Variants in EPHB6 observed in about 807,000 individuals in gnomAD.
EPHB6 encodes the protein EPH receptor B6.
EPHB6 carries 51 observed loss-of-function variants against 107.0 expected under a neutral mutation model. The observed-to-expected ratio is 0.48, with a 90% CI of 0.38 to 0.60. EPHB6 has a LOEUF of 0.60. Among genes scored for constraint, EPHB6 ranks in the 20% least tolerant of loss-of-function variants. The pLI, the probability that EPHB6 is intolerant of heterozygous loss-of-function variation, is 0.00. For synonymous variants in EPHB6, 553 were observed against 549.0 expected, an observed-to-expected ratio of 1.01 and a Z score of -0.10; for missense variants, 1,141 against 1,355.5, an observed-to-expected ratio of 0.84 and a Z score of 2.48.
At chr7:142,857,804 A>G (rs1002907570) in intron 1 of EPHB6, among the ~76,000 whole-genome samples, 2 of 152,234 alleles carry the variant, frequency 1.3e-5, no homozygotes, top group Non-Finnish European at 2.9e-5. Flanking sequence ...AGAAGCATGC[A>G]TGATGTCAGC....
Position 142,863,341 on chromosome 7 carries a change from G to A in EPHB6, c.100+14G>A, listed in dbSNP as rs1563337751. ...TGGCTCTGGAAGGTAAGAGGGAGGG[G>A]AGACAGGAGAACCCAGACCTGCCAT... On this transcript the variant is annotated intron_variant, in intron 5 of 19. Coordinates refer to ENST00000652003, the MANE Select transcript of EPHB6 (RefSeq NM_004445.6). The A allele has an allele frequency of 6.2e-7, 1 of 1,612,582 alleles. No individual in the cohort carries two copies. Among genetic ancestry groups the A allele is most frequent in the Non-Finnish European group, 8.5e-7 (1 of 1,178,654 alleles).
At position 142,864,644 on chromosome 7, in the gene EPHB6, C is replaced by A. The variant is rs774381060; in HGVS notation, c.844C>A (p.Pro282Thr). 4 of 1,612,434 alleles carry A rather than the reference C, an allele frequency of 2.5e-6. No individual in the cohort carries two copies. The highest frequency in any genetic ancestry group is 1.6e-4 in the Middle Eastern group (1 of 6,062). Residue 282 changes from proline to threonine, a missense_variant, in exon 7 of 20, where the codon CCC (proline) becomes ACC (threonine). This residue lies in a region of EPHB6 where 304 missense variants were observed against 295.7 expected (regional missense o/e 1.03). Transcript: ENST00000652003. The part of the protein sequence containing the change: ...DGVGGQAGGS[P>T]PRLHCNGEGK... Reference sequence around the variant, plus strand: ...AGTAGGGGGCCAGGCAGGAGGCAGCCCCCCCAGGCTGCACTGCAACGGGGA... The same window carrying A: ...AGTAGGGGGCCAGGCAGGAGGCAGCACCCCCAGGCTGCACTGCAACGGGGA...
rs767757668 is a variant in EPHB6, at chr7:142,868,219, AACATACTCCAC to A, written c.1919-19_1919-9del. 6 of 1,613,990 alleles carry A rather than the reference AACATACTCCAC, an allele frequency of 3.7e-6. No individual in the cohort carries two copies. The East Asian group carries it at 1.3e-4, about 36-fold the overall frequency. ...GCCCTGCCTTTCACAACACGCTCAT[AACATACTCCAC>A]ACCCCTCCAGGACTCGGGGTGAAGT... On this transcript the variant is annotated splice_polypyrimidine_tract_variant and intron_variant, in intron 13 of 19. Coordinates refer to ENST00000652003, the MANE Select transcript of EPHB6 (RefSeq NM_004445.6). This position sits in a 1 kb window ranked among gnomAD's most constrained non-coding sequence, Gnocchi z 4.2.
Position 142,867,326 on chromosome 7 carries a change from G to A in EPHB6, c.1750+258G>A. The A allele has an allele frequency of 1.6e-6, 1 of 631,232 alleles. No homozygotes were observed. Among genetic ancestry groups the A allele is most frequent in the Non-Finnish European group, 2.8e-6 (1 of 354,902 alleles). The allele number at this position is 631,232 out of a possible 1,614,324, so 39.1% of individuals were successfully genotyped here. A position where few individuals can be genotyped will look rare whatever the true frequency, so the allele number is the denominator to read the frequency against. ...GTGTGTGTGTTGTGTGTCCCTGGGT[G>A]TGGATGTGGGAGGGCTGTGGGCGTG... On this transcript the variant is annotated intron_variant, in intron 11 of 19. Coordinates refer to ENST00000652003, the MANE Select transcript of EPHB6 (RefSeq NM_004445.6). The surrounding 1 kb of genome is among the most constrained non-coding windows in gnomAD (Gnocchi z 5.3).
In EPHB6 at chr7:142,855,852, C is replaced by T. The variant is rs1802582693; in HGVS notation, c.-432+467C>T. Among the ~76,000 whole-genome samples, 1 of 152,190 alleles carries T rather than the reference C, an allele frequency of 6.6e-6. No individual in the cohort carries two copies. The highest frequency in any genetic ancestry group is 6.5e-5 in the Admixed American group (1 of 15,284). On this transcript the variant is annotated intron_variant, in intron 1 of 19. Transcript: ENST00000652003. The surrounding 1 kb of genome is among the most constrained non-coding windows in gnomAD (Gnocchi z 4.2). ...CACAAGGCACTGTCCCCCCCAGCTC[C>T]ATGACCACAGTTAAGCCTTGGAGGT...
At position 142,863,260 on chromosome 7, in the gene EPHB6, C is replaced by T. The variant is rs1478416066; in HGVS notation, c.33C>T (p.Asn11=). 1.2e-6 allele frequency: 2 copies of T among 1,613,870 alleles called. No homozygotes were observed. Among genetic ancestry groups the T allele is most frequent in the Admixed American group, 1.7e-5 (1 of 59,990 alleles). The change falls in exon 5 of 20, where the codon AAC becomes AAT. Residue 11 remains asparagine (N), a synonymous_variant. Transcript: ENST00000652003. MATEGAAQLG[N]RVAGMVCSLW... ...CTGAAGGGGCTGCCCAGTTAGGGAA[C>T]AGAGTGGCGGGCATGGTGTGTAGCC...
intron 4 of EPHB6, 86 bp from the exon 5 acceptor site, chr7:142,863,041 C>A: frequency 1.7e-6 from 1 of 604,566 alleles, no homozygotes; most frequent in Non-Finnish European, 2.9e-6. Flanking sequence ...GAGACACAGA[C>A]ACGGGGTCAG....
rs1794896210 is a variant in EPHB6 at position 142,870,977 on chromosome 7, A to G, written c.*73A>G. 1 of 1,443,448 alleles carries G rather than the reference A, an allele frequency of 6.9e-7. No individual in the cohort carries two copies. The highest frequency in any genetic ancestry group is 1.2e-5 in the South Asian group (1 of 83,732). 89.4% of individuals were successfully genotyped at this position (1,443,448 alleles called of 1,614,324 possible). ...ACATGTGGGACGTGAGCCGGGCTCC[A>G]ACAGCCTCTGTGAGAGATGCCCCAC... On this transcript the variant is annotated 3_prime_UTR_variant, in exon 20 of 20. Coordinates refer to ENST00000652003, the MANE Select transcript of EPHB6 (RefSeq NM_004445.6).
chr7:142,865,355 A>G (rs1803091849), intron 7 of EPHB6, 120 bp from the exon 8 acceptor site: 1 of 1,338,322 alleles, frequency 7.5e-7, no homozygotes, highest in Non-Finnish European at 1.0e-6. Flanking sequence ...GTCTTGGAAG[A>G]AAAGGAGAAC....
In EPHB6 at chr7:142,870,407, G is replaced by A; in HGVS notation, c.2804G>A (p.Arg935Lys). Residue 935 changes from arginine (R) to lysine (K), a missense_variant and splice_region_variant, in exon 18 of 20, where the codon AGG becomes AAG. Around this residue, in one of 3 missense-constraint regions of EPHB6, gnomAD observed 616 missense variants for 759.3 expected, o/e 0.81. Coordinates refer to ENST00000652003, the MANE Select transcript of EPHB6 (RefSeq NM_004445.6). The part of the protein sequence containing the change: ...TLQAGGDPGE[R>K]PSQALLTPVA... ...CAGGCTGGCGGGGACCCAGGGGAAA[G>A]GTCTGGAGCTTGGGGCTAGAGCCTG... 1 of 1,614,042 alleles carries A rather than the reference G, an allele frequency of 6.2e-7. No individual in the cohort carries two copies. The highest frequency in any genetic ancestry group is 8.5e-7 in the Non-Finnish European group (1 of 1,179,984).
intron 1 of EPHB6, among the ~76,000 whole-genome samples, chr7:142,857,477 A>C (rs1802656610): frequency 6.6e-6 from 1 of 152,198 alleles, no homozygotes; most frequent in Non-Finnish European, 1.5e-5. Flanking sequence ...ATTATACTGG[A>C]ATTTCCTGGG....
chr7:142,866,111 C>T lies in EPHB6; in HGVS notation c.1257C>T (p.Ser419=), dbSNP rs55991560. 3,715 of 1,612,868 alleles carry T rather than the reference C, an allele frequency of 2.3e-3. 10 individuals are homozygous for T. The highest frequency in any genetic ancestry group is 2.8e-3 in the Non-Finnish European group (3,348 of 1,179,422). Reference sequence around the variant, plus strand: ...GTGAAGGCCGCCAGGAACCTGCCAGCGGTGGTGGGGGCACTTGTCACCGCT... The same window carrying T: ...GTGAAGGCCGCCAGGAACCTGCCAGTGGTGGTGGGGGCACTTGTCACCGCT... ...KECEGRQEPA[S]GGGGTCHRCR... The change falls in exon 9 of 20, where the codon AGC becomes AGT. Residue 419 remains serine (S), a synonymous_variant. Coordinates refer to ENST00000652003, the MANE Select transcript of EPHB6 (RefSeq NM_004445.6). This position sits in a 1 kb window ranked among gnomAD's most constrained non-coding sequence, Gnocchi z 5.2.
At chr7:142,857,659 G>A (rs1275310157) in intron 1 of EPHB6, among the ~76,000 whole-genome samples, 1 of 152,206 alleles carries the variant, frequency 6.6e-6, no homozygotes, top group Non-Finnish European at 1.5e-5. Context: ...TCTGCAGCCT[G>A]CTTTGTCTCA....
In EPHB6 at chr7:142,865,739, C is replaced by A. The variant is rs1288186525; in HGVS notation, c.1105+109C>A. Reference sequence around the variant, plus strand: ...TTTGCATTTGGAGTGACTTGTTTTTCCCCTATTTTCTTGGCTTCCTCCCCT... The same window carrying A: ...TTTGCATTTGGAGTGACTTGTTTTTACCCTATTTTCTTGGCTTCCTCCCCT... On this transcript the variant is annotated intron_variant, in intron 8 of 19. Coordinates refer to ENST00000652003, the MANE Select transcript of EPHB6 (RefSeq NM_004445.6). The A allele has an allele frequency of 5.4e-6, 8 of 1,483,280 alleles. No homozygotes were observed. The Admixed American group carries it at 1.2e-4, about 22-fold the overall frequency. 91.9% of individuals were successfully genotyped at this position (1,483,280 alleles called of 1,614,324 possible). A position where few individuals can be genotyped will look rare whatever the true frequency, so the allele number is the denominator to read the frequency against.
chr7:142,863,509 C>T, intron 5 of EPHB6, 122 bp from the exon 6 acceptor site: 1 of 1,290,264 alleles, frequency 7.8e-7, no homozygotes, highest in Non-Finnish European at 1.1e-6. Context: ...GACAGCTGTG[C>T]TCCTGCTGGC....
intron 7 of EPHB6, 141 bp downstream of exon 7, chr7:142,864,890 C>T: frequency 9.3e-7 from 1 of 1,078,790 alleles, no homozygotes; most frequent in Non-Finnish European, 1.4e-6. Flanking sequence ...CTGATTTTCC[C>T]TAATTTTATT....
In EPHB6 at chr7:142,862,840, T is replaced by C. The variant is rs879443035; in HGVS notation, c.-102+7T>C. On this transcript the variant is annotated splice_region_variant and intron_variant, in intron 4 of 19. Transcript: ENST00000652003. ...GCAGAAAAAAAAAAAAAGGGTAAGA[T>C]TGACCCAGAAACACCCTCTGCCCCA... The C allele has an allele frequency of 1.9e-5, 4 of 207,244 alleles. No individual in the cohort carries two copies. The highest frequency in any genetic ancestry group is 2.9e-5 in the Non-Finnish European group (3 of 104,446). The allele number at this position is 207,244 out of a possible 1,614,324, so 12.8% of individuals were successfully genotyped here. A position where few individuals can be genotyped will look rare whatever the true frequency, so the allele number is the denominator to read the frequency against.
chr7:142,867,947 A>G lies in EPHB6; in HGVS notation c.1866-50A>G. ...GTCTGGAGGGTGACAAGGGGGCAGCAAGGGGGTGGAAATGGGAGCGTCATC... is the reference window on the plus strand; with the variant it reads ...GTCTGGAGGGTGACAAGGGGGCAGCGAGGGGGTGGAAATGGGAGCGTCATC... On this transcript the variant is annotated intron_variant, in intron 12 of 19. Transcript: ENST00000652003. This position sits in a 1 kb window ranked among gnomAD's most constrained non-coding sequence, Gnocchi z 5.3. 1.3e-6 allele frequency: 2 copies of G among 1,551,272 alleles called. No homozygotes were observed. The highest frequency in any genetic ancestry group is 1.7e-6 in the Non-Finnish European group (2 of 1,147,876).
At chr7:142,858,590 CA>C (rs1437199163) in intron 1 of EPHB6, among the ~76,000 whole-genome samples, 1 of 145,034 alleles carries the variant, frequency 6.9e-6, no homozygotes, top group Admixed American at 7.1e-5. Context: ...CACACGCCAC[CA>C]CGCCCAGCTA....
Sources: gnomAD v4.1 joint callset for allele counts (sites outside exome capture counted in the v4.1 genomes callset) on GRCh38, gnomAD v4.1.1 for gene constraint, gnomAD v4.1.1 regional missense constraint, Gnocchi (gnomAD v3.1) non-coding constraint, MANE v1.5 for transcripts, NCBI Gene and HGNC (gene_info 2026-07-23, HGNC 2026-07-21) for gene names.